AGO2: variants seen among roughly 807,000 people sequenced by gnomAD.
AGO2 encodes the protein protein argonaute-2.
A neutral mutation model predicts 102.3 loss-of-function variants in AGO2; 5 were observed. The observed-to-expected ratio is 0.05, with a 90% CI of 0.03 to 0.10. The LOEUF is 0.10. Among genes scored for constraint, AGO2 ranks in the 10% least tolerant of loss-of-function variants. AGO2 has a pLI of 1.00. For synonymous variants in AGO2, 449 were observed against 473.1 expected (o/e 0.95, Z 0.66); for missense variants, 541 against 1,183.7 (o/e 0.46, Z 7.97).
rs377187779 is a variant in AGO2 at position 140,551,253 on chromosome 8, C to T, written c.1403+50G>A. ...GCCCTGCAAGTGGTCACTTGAGCTG[C>T]CCATCGGGCAGCACCCCCAGGCCGG... On this transcript the variant is annotated intron_variant, in intron 11 of 18. Transcript: ENST00000220592. 884 of 1,443,472 alleles carry T rather than the reference C, an allele frequency of 6.1e-4. 3 individuals carry two copies. In the African/African-American group the frequency reaches 0.011, roughly 18 times the overall value. 89.4% of individuals were successfully genotyped at this position (1,443,472 alleles called of 1,614,324 possible). A position where few individuals can be genotyped will look rare whatever the true frequency, so the allele number is the denominator to read the frequency against.
At chr8:140,641,205 A>C in the AGO2 span, among the ~76,000 whole-genome samples, 1 of 151,856 alleles carries the variant, frequency 6.6e-6, no homozygotes. Flanking sequence ...GTAGGAGATC[A>C]CCTAAGCCCT....
chr8:140,557,244 G>C lies in AGO2; in HGVS notation c.879-8C>G, dbSNP rs762111833. The stretch of plus-strand genomic sequence containing the variant: ...TCCTGCTGCAGCGGGAATCTGAGGA[G>C]CAAAGGGGCTGTTCAGGCCGAGGGC... On this transcript the variant is annotated splice_polypyrimidine_tract_variant and splice_region_variant and intron_variant, in intron 7 of 18. Transcript: ENST00000220592. The surrounding 1 kb of genome is among the most constrained non-coding windows in gnomAD (Gnocchi z 5.9). The C allele has an allele frequency of 1.2e-6, 2 of 1,610,930 alleles. No individual in the cohort carries two copies. The highest frequency in any genetic ancestry group is 2.7e-5 in the African/African-American group (2 of 74,860).
intron 17 of AGO2, among the ~76,000 whole-genome samples, chr8:140,535,170 C>T (rs1295246673): frequency 6.6e-6 from 1 of 152,224 alleles, no homozygotes; most frequent in East Asian, 1.9e-4. Context: ...CCTGCTCAGA[C>T]CTCACCAAGC....
rs1281585894 is a variant in AGO2 at position 140,524,113 on chromosome 8, A to T, written c.*7931T>A. 6.6e-6 allele frequency: 1 copy of T among 152,304 alleles called. No homozygotes were observed. The highest frequency in any genetic ancestry group is 1.5e-5 in the Non-Finnish European group (1 of 68,110). 9.4% of individuals were successfully genotyped at this position (152,304 alleles called of 1,614,324 possible). A position where few individuals can be genotyped will look rare whatever the true frequency, so the allele number is the denominator to read the frequency against. The stretch of plus-strand genomic sequence containing the variant: ...ACACCAAAGTAAGCGGTTTCCCAGG[A>T]AGTCACAAAACAGAGCAACAGTAAT... On this transcript the variant is annotated 3_prime_UTR_variant, in exon 19 of 19. Transcript: ENST00000220592.
intron 13 of AGO2, 74 bp from the exon 14 acceptor site, chr8:140,544,377 A>T: frequency 3.9e-6 from 5 of 1,281,652 alleles, no homozygotes; most frequent in Non-Finnish European, 5.4e-6. Context: ...TGCCACCATC[A>T]CCTTTTGGAG....
intron 1 of AGO2, among the ~76,000 whole-genome samples, chr8:140,624,735 G>A (rs995794845): frequency 1.3e-5 from 2 of 152,218 alleles, no homozygotes; most frequent in Non-Finnish European, 2.9e-5. Context: ...CACTATGCGG[G>A]GCATATAAGG....
the AGO2 span, among the ~76,000 whole-genome samples, chr8:140,641,361 A>G: frequency 6.6e-6 from 1 of 151,872 alleles, no homozygotes; most frequent in African/African-American, 2.4e-5. Flanking sequence ...CTTTCATAGG[A>G]GGAGAAACAT....
chr8:140,557,017 G>A lies in AGO2; in HGVS notation c.1026+72C>T, dbSNP rs538907879. 8.4e-5 allele frequency: 129 copies of A among 1,534,944 alleles called. No individual in the cohort carries two copies. The highest frequency in any genetic ancestry group is 3.1e-4 in the Admixed American group (15 of 49,168). ...CTGACTGGGGCCTCGGCGGTTTCTC[G>A]AAGCTGCATGCCCCAGCCTGGGACG... On this transcript the variant is annotated intron_variant, in intron 8 of 18. Transcript: ENST00000220592. The surrounding 1 kb of genome is among the most constrained non-coding windows in gnomAD (Gnocchi z 5.9).
At chr8:140,548,930 G>C (rs1169306293) in intron 12 of AGO2, among the ~76,000 whole-genome samples, 184 bp downstream of exon 12, 1 of 152,260 alleles carries the variant, frequency 6.6e-6, no homozygotes, top group African/African-American at 2.4e-5. Context: ...ACGACGGGGA[G>C]GCCCTGAACA....
chr8:140,585,358 C>G, intron 1 of AGO2, 47 bp from the exon 2 acceptor site: 1 of 1,587,096 alleles, frequency 6.3e-7, no homozygotes, highest in Non-Finnish European at 8.6e-7. Flanking sequence ...CAGGCTTGCT[C>G]TGCGGCCCTT....
intron 2 of AGO2, among the ~76,000 whole-genome samples, chr8:140,580,660 G>C (rs756634636): frequency 6.6e-6 from 1 of 152,258 alleles, no homozygotes; most frequent in Non-Finnish European, 1.5e-5. Flanking sequence ...ACTGATGTGT[G>C]AGCGGGGGGT....
At chr8:140,605,404 T>C (rs1195600948) in intron 1 of AGO2, among the ~76,000 whole-genome samples, 1 of 152,134 alleles carries the variant, frequency 6.6e-6, no homozygotes, top group Non-Finnish European at 1.5e-5. Flanking sequence ...CCCTTAAAAG[T>C]ATTTTCTAAA....
intron 2 of AGO2, among the ~76,000 whole-genome samples, chr8:140,583,375 T>C (rs1311960997): frequency 2.6e-5 from 4 of 152,208 alleles, no homozygotes; most frequent in African/African-American, 9.7e-5. Context: ...TCTATAGATA[T>C]ATGTACAGTC....
chr8:140,625,008 G>A (rs1412120254), intron 1 of AGO2, among the ~76,000 whole-genome samples: 2 of 152,152 alleles, frequency 1.3e-5, no homozygotes, highest in African/African-American at 4.8e-5. Flanking sequence ...CCTCCAGGAA[G>A]GCCTCCCTGC....
intron 1 of AGO2, among the ~76,000 whole-genome samples, chr8:140,595,895 A>G (rs1337444092): frequency 3.3e-5 from 4 of 121,168 alleles, no homozygotes; most frequent in Admixed American, 2.1e-4. Flanking sequence ...ATAATTATAT[A>G]TATTATGTAT....
intron 1 of AGO2, among the ~76,000 whole-genome samples, 177 bp downstream of exon 1, chr8:140,635,308 C>CACG (rs1554599246): frequency 2.1e-5 from 3 of 145,988 alleles, no homozygotes; most frequent in African/African-American, 7.4e-5. Flanking sequence ...CCGGCTCGGC[C>CACG]CCGCCGCCGC....
At chr8:140,601,360 GCACCCCC>G (rs2073931208) in intron 1 of AGO2, among the ~76,000 whole-genome samples, 1 of 152,158 alleles carries the variant, frequency 6.6e-6, no homozygotes, top group Non-Finnish European at 1.5e-5. Flanking sequence ...AGCAGCCCCA[GCACCCCC>G]CCGCCGCTGT....
At position 140,557,147 on chromosome 8, in the gene AGO2, G is replaced by C; in HGVS notation, c.968C>G (p.Pro323Arg). ...KDRHKLVLRY[P>R]HLPCLQVGQE... The stretch of plus-strand genomic sequence containing the variant: ...TCCGACTTGTAAACATGGGAGGTGG[G>C]GGTAGCGCAGAACCAACTTGTGCCT... Residue 323 changes from proline to arginine, a missense_variant, in exon 8 of 19, where the codon CCC becomes CGC. Physicochemically the swap from Pro to Arg is moderately radical, Grantham distance 103. This residue lies in a region of AGO2 where 38 missense variants were observed against 68.1 expected (regional missense o/e 0.56). Transcript: ENST00000220592. This position sits in a 1 kb window ranked among gnomAD's most constrained non-coding sequence, Gnocchi z 5.9. The C allele has an allele frequency of 6.2e-7, 1 of 1,614,148 alleles. No homozygotes were observed. Among genetic ancestry groups the C allele is most frequent in the Non-Finnish European group, 8.5e-7 (1 of 1,180,006 alleles).
At chr8:140,574,103 T>C (rs1369837089) in intron 2 of AGO2, among the ~76,000 whole-genome samples, 3 of 151,974 alleles carry the variant, frequency 2.0e-5, no homozygotes, top group Non-Finnish European at 4.4e-5. Context: ...CAGGGCTCCA[T>C]GAGCAGAGAT....
Sources: allele counts gnomAD v4.1 joint callset (sites outside exome capture counted in the v4.1 genomes callset), GRCh38; gene constraint gnomAD v4.1.1; regional missense constraint gnomAD v4.1.1; non-coding constraint Gnocchi (gnomAD v3.1); transcripts MANE v1.5; gene names NCBI Gene and HGNC (gene_info 2026-07-23, HGNC 2026-07-21).